Variants in DNAH17 observed in about 807,000 individuals in gnomAD.
DNAH17 encodes axonemal beta dynein heavy chain 17.
A neutral mutation model predicts 485.6 loss-of-function variants in DNAH17; 376 were observed. The observed-to-expected ratio is 0.77, with a 90% CI of 0.71 to 0.84. The LOEUF is 0.84. Among genes scored for constraint, DNAH17 ranks in the 40% least tolerant of loss-of-function variants. The pLI is 0.00. For synonymous variants in DNAH17, 3,031 were observed against 2,405.9 expected (o/e 1.26, Z -7.60); for missense variants, 6,370 against 5,839.3 (o/e 1.09, Z -2.96).
intron 37 of DNAH17, chr17:78,498,793 A>G (rs2146705287): frequency 2.4e-6 from 1 of 414,906 alleles, no homozygotes; most frequent in Non-Finnish European, 4.3e-6. Context: ...GTTTGCTACC[A>G]TACATGTAAC....
intron 24 of DNAH17, among the ~76,000 whole-genome samples, chr17:78,525,690 G>T (rs115249773): frequency 6.6e-6 from 1 of 152,210 alleles, no homozygotes; most frequent in Non-Finnish European, 1.5e-5. Context: ...ACATGGACAC[G>T]CAGGGACTGC....
At chr17:78,441,339 C>T in intron 71 of DNAH17, 140 bp from the exon 72 acceptor site, 1 of 949,896 alleles carries the variant, frequency 1.1e-6, no homozygotes, top group South Asian at 1.7e-5. Context: ...GGCAGGAGAG[C>T]AGAGTCTTTA....
rs76449350 is a variant in DNAH17 at position 78,506,725 on chromosome 17, C to A, written c.4798G>T (p.Val1600Leu). ...ATGCAAGGGGCCCCGCCTACCTCCA[C>A]GGGGTCATTGCCATTGGAGAGAATG... is the stretch of plus-strand genomic sequence containing the variant. ...LDILSNGNDP[V>L]EVSRHLSKLF... Residue 1600 changes from valine to leucine, a missense_variant, in exon 30 of 81, where the codon GTG (valine) becomes TTG (leucine). Transcript: ENST00000389840. The A allele has an allele frequency of 2.2e-4, 359 of 1,613,922 alleles. No individual in the cohort carries two copies. In the African/African-American group the frequency reaches 3.9e-3, roughly 17 times the overall value.
intron 54 of DNAH17, among the ~76,000 whole-genome samples, chr17:78,470,475 AG>A (rs2088697650): frequency 6.6e-6 from 1 of 151,672 alleles, no homozygotes; most frequent in African/African-American, 2.4e-5. Context: ...GGATCACCTG[AG>A]GTTAGGAGTT....
chr17:78,546,090 C>T (rs1361439478), intron 16 of DNAH17, among the ~76,000 whole-genome samples: 2 of 152,102 alleles, frequency 1.3e-5, no homozygotes. Flanking sequence ...GATCCTCCCA[C>T]GTCAGCCTCC....
intron 14 of DNAH17, among the ~76,000 whole-genome samples, chr17:78,554,628 C>T (rs2091981667): frequency 6.6e-6 from 1 of 152,084 alleles, no homozygotes; most frequent in South Asian, 2.1e-4. Flanking sequence ...TCTCATCGTA[C>T]CAAGCAACAT....
Position 78,460,162 on chromosome 17 carries a change from C to T in DNAH17, c.9435G>A (p.Lys3145=), listed in dbSNP as rs867713997. ...CCCCTTTCTTTCCCTCCCCCTTTAC[C>T]TTATTCAGAGTGTCCAGAGCCTCCT... is the stretch of plus-strand genomic sequence containing the variant. ...AAQEALDTLN[K]NNLTELKSFG... Residue 3145 remains lysine, a splice_region_variant and synonymous_variant, in exon 59 of 81, where the codon AAG becomes AAA. Coordinates refer to ENST00000389840, the MANE Select transcript of DNAH17 (RefSeq NM_173628.4). The T allele has an allele frequency of 6.2e-7, 1 of 1,604,418 alleles. No homozygotes were observed. Among genetic ancestry groups the T allele is most frequent in the Non-Finnish European group, 8.5e-7 (1 of 1,174,848 alleles).
rs764766362 is a variant in DNAH17, at chr17:78,459,768, C to T, written c.9653+16G>A. ...TCGGAGGGAAGCCCCGGCTACGAGG[C>T]CCAGCCCCGACTCACTTGAAGGCCT... On this transcript the variant is annotated intron_variant, in intron 60 of 80. Transcript: ENST00000389840. 7 of 1,613,656 alleles carry T rather than the reference C, an allele frequency of 4.3e-6. No homozygotes were observed. The highest frequency in any genetic ancestry group is 5.9e-6 in the Non-Finnish European group (7 of 1,179,640).
intron 71 of DNAH17, among the ~76,000 whole-genome samples, chr17:78,444,267 G>A (rs139437046): frequency 6.6e-6 from 1 of 152,268 alleles, no homozygotes; most frequent in Non-Finnish European, 1.5e-5. Context: ...CATGTGGGGA[G>A]TCTTTTCTTC....
chr17:78,563,508 A>G (rs957349848), intron 11 of DNAH17, among the ~76,000 whole-genome samples: 1 of 137,598 alleles, frequency 7.3e-6, no homozygotes, highest in Non-Finnish European at 1.6e-5. Context: ...CTGAAGACCC[A>G]TCATCCAGAC....
At chr17:78,438,899 G>A (rs903181715) in intron 73 of DNAH17, among the ~76,000 whole-genome samples, 191 bp downstream of exon 73, 2 of 152,114 alleles carry the variant, frequency 1.3e-5, no homozygotes, top group African/African-American at 4.8e-5. Flanking sequence ...CAGTCATGGC[G>A]TGCCACACCA....
At chr17:78,449,154 T>C (rs1387965835) in intron 69 of DNAH17, among the ~76,000 whole-genome samples, 1 of 152,144 alleles carries the variant, frequency 6.6e-6, no homozygotes, top group Non-Finnish European at 1.5e-5. Context: ...CTTGTGAAAT[T>C]CTCCTTAAAA....
At chr17:78,443,028 G>A (rs991540761) in intron 71 of DNAH17, among the ~76,000 whole-genome samples, 23 of 152,182 alleles carry the variant, frequency 1.5e-4, no homozygotes, top group Admixed American at 9.2e-4. Flanking sequence ...TGTGAAACAC[G>A]TCAATGCTGA....
chr17:78,528,866 C>G (rs2091149265), intron 22 of DNAH17, among the ~76,000 whole-genome samples: 1 of 151,886 alleles, frequency 6.6e-6, no homozygotes, highest in Non-Finnish European at 1.5e-5. Flanking sequence ...TGACCTTGTT[C>G]TCTCTCCACC....
intron 14 of DNAH17, among the ~76,000 whole-genome samples, chr17:78,557,803 T>C (rs2092060233): frequency 1.3e-5 from 2 of 152,124 alleles, no homozygotes; most frequent in Non-Finnish European, 2.9e-5. Context: ...ACTAATTTAA[T>C]TCTGTTCTGC....
intron 60 of DNAH17, 85 bp from the exon 61 acceptor site, chr17:78,459,293 G>T: frequency 7.5e-7 from 1 of 1,330,654 alleles, no homozygotes; most frequent in Non-Finnish European, 1.1e-6. Flanking sequence ...TCTTGCCCAG[G>T]GTGGCACAGC....
At chr17:78,567,512 G>T (rs952492788) in intron 9 of DNAH17, among the ~76,000 whole-genome samples, 13 of 152,094 alleles carry the variant, frequency 8.5e-5, no homozygotes, top group Non-Finnish European at 1.9e-4. Flanking sequence ...CGTTTTCTCC[G>T]CTGTGGGAAG....
chr17:78,486,369 A>C lies in DNAH17; in HGVS notation c.6956T>G (p.Ile2319Ser). The C allele has an allele frequency of 6.2e-7, 1 of 1,613,848 alleles. No individual in the cohort carries two copies. The highest frequency in any genetic ancestry group is 8.5e-7 in the Non-Finnish European group (1 of 1,179,848). ...GFKKITPVPEITVIQTILYLL... is the reference protein window; with the variant it reads ...GFKKITPVPESTVIQTILYLL... ...GTACAGAATCGTTTGGATCACCGTG[A>C]TCTCCGGCACTGGCGTGATCTTCTT... Residue 2319 changes from isoleucine to serine, a missense_variant, in exon 45 of 81, where the codon ATC (isoleucine) becomes AGC (serine). Physicochemically the swap from Ile to Ser is moderately radical, Grantham distance 142. Coordinates refer to ENST00000389840, the MANE Select transcript of DNAH17 (RefSeq NM_173628.4).
rs2092378574 is a variant in DNAH17 at position 78,572,760 on chromosome 17, G to A, written c.480C>T (p.Thr160=). 6.2e-7 allele frequency: 1 copy of A among 1,613,380 alleles called. No individual in the cohort carries two copies. Among genetic ancestry groups the A allele is most frequent in the South Asian group, 1.1e-5 (1 of 90,904 alleles). Residue 160 remains threonine (T), a synonymous_variant, in exon 3 of 81, where the codon ACC becomes ACT. Transcript: ENST00000389840. ...CCAGGTGCTCCGGAATAGGCAGCAA[G>A]GTTTTGCCTTTGATCTTGCCACTCA... is the stretch of plus-strand genomic sequence containing the variant. The part of the protein sequence containing the change: ...FVMSGKIKGK[T]LLPIPEHLGS...
Sources: gnomAD v4.1 joint callset for allele counts (sites outside exome capture counted in the v4.1 genomes callset) on GRCh38, gnomAD v4.1.1 for gene constraint, MANE v1.5 for transcripts, NCBI Gene and HGNC (gene_info 2026-07-23, HGNC 2026-07-21) for gene names.